Variants in ZNF730 observed in about 807,000 individuals in gnomAD.
ZNF730 encodes putative zinc finger protein 730.
Under a neutral mutation model 12.6 loss-of-function variants are expected in ZNF730, and 12 were observed. The observed-to-expected ratio is 0.95, with a 90% CI of 0.61 to 1.54. The LOEUF (loss-of-function observed/expected upper bound fraction) is 1.54, where lower values mean the gene tolerates loss of function less well. ZNF730 is among the 40% of genes most tolerant of loss of function. The pLI is 0.00. For missense variants in ZNF730, 643 were observed against 583.5 expected, an observed-to-expected ratio of 1.10 and a Z score of -1.05; for synonymous variants, 194 against 195.8, an observed-to-expected ratio of 0.99 and a Z score of 0.08.
intron 3 of ZNF730, among the ~76,000 whole-genome samples, chr19:23,141,455 T>G (rs1290702909): frequency 6.6e-6 from 1 of 152,034 alleles, no homozygotes; most frequent in East Asian, 1.9e-4. Context: ...TTATCCCAGC[T>G]ACTTGGGAGA....
upstream of ZNF730, chr19:23,116,952 G>A (rs552117295): frequency 9.2e-3 from 1,058 of 115,036 alleles, no homozygotes; most frequent in Non-Finnish European, 0.014. Flanking sequence ...ATCCAATCGG[G>A]GACACTGGGC....
chr19:23,141,406 AAC>A (rs1219648134), intron 3 of ZNF730, among the ~76,000 whole-genome samples: 1 of 152,152 alleles, frequency 6.6e-6, no homozygotes, highest in African/African-American at 2.4e-5. Flanking sequence ...AAAAAAAAAA[AAC>A]AATTTTAAAA....
chr19:23,104,484 C>G (rs1970369865), intron 1 of ZNF730, among the ~76,000 whole-genome samples: 2 of 152,046 alleles, frequency 1.3e-5, no homozygotes, highest in Non-Finnish European at 2.9e-5. Context: ...TTGTTTTTAA[C>G]TACTATTTAT....
chr19:23,077,615 T>C (rs1401229487), intron 1 of ZNF730, among the ~76,000 whole-genome samples: 1 of 151,816 alleles, frequency 6.6e-6, no homozygotes, highest in African/African-American at 2.4e-5. Context: ...CTAATTTTTG[T>C]ATTTTTAGTA....
upstream of ZNF730, among the ~76,000 whole-genome samples, chr19:23,113,346 C>G (rs1970478346): frequency 6.6e-6 from 1 of 152,150 alleles, no homozygotes; most frequent in African/African-American, 2.4e-5. Flanking sequence ...ATTGTATTCT[C>G]AAAAGTTAGA....
intron 1 of ZNF730, among the ~76,000 whole-genome samples, chr19:23,132,283 A>G (rs758962510): frequency 6.6e-6 from 1 of 152,232 alleles, no homozygotes; most frequent in African/African-American, 2.4e-5. Context: ...ATCTGAGAAG[A>G]AATTCCAGAG....
intron 1 of ZNF730, among the ~76,000 whole-genome samples, chr19:23,077,591 G>C (rs555382125): frequency 6.6e-6 from 1 of 151,802 alleles, no homozygotes; most frequent in African/African-American, 2.4e-5. Flanking sequence ...GCATGTGCCA[G>C]CCAACACACC....
intron 1 of ZNF730, among the ~76,000 whole-genome samples, chr19:23,109,913 T>C (rs1970441447): frequency 6.6e-6 from 1 of 152,188 alleles, no homozygotes; most frequent in African/African-American, 2.4e-5. Context: ...ATGGTTATTA[T>C]GACAAATTAT....
chr19:23,116,082 C>T (rs1300175791), upstream of ZNF730, among the ~76,000 whole-genome samples: 3 of 152,314 alleles, frequency 2.0e-5, no homozygotes, highest in East Asian at 1.9e-4. Flanking sequence ...CAGGAGAAAA[C>T]GTAAAACTAC....
Position 23,092,077 on chromosome 19 carries a change from C to T in ZNF730, c.-94+16690C>T, listed in dbSNP as rs866783021. On this transcript the variant is annotated intron_variant, in intron 1 of 2. Coordinates refer to the ZNF730 transcript ENST00000593635. ...GAGGGCTGTTCTTTCCCATGCTATT[C>T]TCGTGATAGTGAATATCTCTCTCAA... 1.4e-4 allele frequency among the ~76,000 whole-genome samples: 21 copies of T among 152,268 alleles called. 1 individual carries two copies. In the Middle Eastern group the frequency reaches 0.014, roughly 99 times the overall value.
chr19:23,101,501 C>G (rs1970335504), intron 1 of ZNF730, among the ~76,000 whole-genome samples: 1 of 152,230 alleles, frequency 6.6e-6, no homozygotes, highest in Non-Finnish European at 1.5e-5. Context: ...AATTTCTACT[C>G]TAATTCCTGG....
chr19:23,137,286 C>A (rs950707050), intron 3 of ZNF730, among the ~76,000 whole-genome samples: 2 of 151,990 alleles, frequency 1.3e-5, no homozygotes, highest in East Asian at 3.9e-4. Flanking sequence ...ATATATCTTT[C>A]ATTTAAAATA....
chr19:23,130,192 T>C (rs1256174461), intron 1 of ZNF730, among the ~76,000 whole-genome samples: 1 of 152,040 alleles, frequency 6.6e-6, no homozygotes, highest in Non-Finnish European at 1.5e-5. Context: ...TGGGAGTGGG[T>C]CTTCCCTGCG....
intron 1 of ZNF730, among the ~76,000 whole-genome samples, chr19:23,098,062 T>C (rs1970281971): frequency 6.6e-6 from 1 of 151,910 alleles, no homozygotes; most frequent in African/African-American, 2.4e-5. Context: ...GAGAATCACT[T>C]GAACCCAAGA....
At chr19:23,109,612 G>C (rs1440799875) in intron 1 of ZNF730, among the ~76,000 whole-genome samples, 1 of 152,054 alleles carries the variant, frequency 6.6e-6, no homozygotes, top group Non-Finnish European at 1.5e-5. Flanking sequence ...AGGTTGGTCA[G>C]GCTGGTTTTG....
At chr19:23,132,184 A>T (rs954338340) in intron 1 of ZNF730, among the ~76,000 whole-genome samples, 1 of 152,188 alleles carries the variant, frequency 6.6e-6, no homozygotes, top group African/African-American at 2.4e-5. Flanking sequence ...CCTTCTACCT[A>T]TGAGTGTGGT....
intron 1 of ZNF730, among the ~76,000 whole-genome samples, chr19:23,099,543 G>A (rs1440394137): frequency 6.6e-6 from 1 of 152,184 alleles, no homozygotes; most frequent in East Asian, 1.9e-4. Context: ...TCTGTTTGTG[G>A]ATTCTGTCCA....
chr19:23,127,886 C>T (rs1970690050), intron 1 of ZNF730: 1 of 668,544 alleles, frequency 1.5e-6, no homozygotes, highest in Non-Finnish European at 2.7e-6. Flanking sequence ...TTACACACAG[C>T]ATATGCTCGT....
Position 23,091,281 on chromosome 19 carries a change from G to A in ZNF730, c.-94+15894G>A, listed in dbSNP as rs377218982. ...AATGTATGGCAACACGTGGATATCC[G>A]GGCAGAAGTTTGCTGCAGGGGTGGA... On this transcript the variant is annotated intron_variant, in intron 1 of 2. Coordinates refer to the ZNF730 transcript ENST00000593635. 1.8e-4 allele frequency among the ~76,000 whole-genome samples: 28 copies of A among 152,306 alleles called. No homozygotes were observed. In the South Asian group the frequency reaches 3.1e-3, roughly 17 times the overall value.
Sources: allele counts gnomAD v4.1 joint callset (sites outside exome capture counted in the v4.1 genomes callset), GRCh38; gene constraint gnomAD v4.1.1; transcripts MANE v1.5; gene names NCBI Gene and HGNC (gene_info 2026-07-23, HGNC 2026-07-21).